Variants in FRY observed in about 807,000 individuals in gnomAD.
FRY encodes the protein FRY microtubule binding protein.
FRY carries 128 observed loss-of-function variants against 348.4 expected under a neutral mutation model. The ratio of observed to expected loss-of-function variants is 0.37; its 90% confidence interval spans 0.32 to 0.43. FRY has a LOEUF of 0.43. Ranked by LOEUF, FRY falls within the 20% of genes least tolerant of loss-of-function variation. The pLI, the probability that FRY is intolerant of heterozygous loss-of-function variation, is 1.00. For synonymous variants in FRY, 1,370 were observed against 1,374.7 expected (o/e 1.00, Z 0.08); for missense variants, 2,736 against 3,695.2 (o/e 0.74, Z 6.73).
At chr13:32,183,730 C>G (rs1378080931) in intron 24 of FRY, among the ~76,000 whole-genome samples, 2 of 135,218 alleles carry the variant, frequency 1.5e-5, no homozygotes, top group Non-Finnish European at 3.1e-5. Flanking sequence ...GAGCCGAGAT[C>G]ACGCCACTGC....
At chr13:32,106,926 A>G (rs1190603790) in intron 3 of FRY, among the ~76,000 whole-genome samples, 1 of 152,216 alleles carries the variant, frequency 6.6e-6, no homozygotes, top group Non-Finnish European at 1.5e-5. Flanking sequence ...CCAGTTTTCC[A>G]GTTTGAACTT....
At chr13:32,079,144 G>T (rs79025279) in intron 2 of FRY, 111 bp downstream of exon 2, 7 of 821,788 alleles carry the variant, frequency 8.5e-6, no homozygotes, top group East Asian at 2.4e-5. Flanking sequence ...GTTTGTAAAG[G>T]TTCTTTAATA....
At position 32,179,719 on chromosome 13, in the gene FRY, G is replaced by A. The variant is rs748459314; in HGVS notation, c.2916G>A (p.Val972=). 1.4e-5 allele frequency: 22 copies of A among 1,613,536 alleles called. No homozygotes were observed. In the East Asian group the frequency reaches 4.5e-4, roughly 33 times the overall value. Residue 972 remains valine, a synonymous_variant, in exon 23 of 61, where the codon GTG becomes GTA. Transcript: ENST00000542859. ...TGGGAGTTCTGTTAAAGCAGTTGGT[G>A]CCTTTGATGAGACTAGAGAGCATTG... The part of the protein sequence containing the change: ...PSVGVLLKQL[V]PLMRLESIEI...
chr13:32,144,321 A>T (rs188965651), intron 11 of FRY, among the ~76,000 whole-genome samples: 1 of 151,064 alleles, frequency 6.6e-6, no homozygotes, highest in East Asian at 1.9e-4. Context: ...TAGAATAAAC[A>T]CGCAAGAACA....
At chr13:32,060,105 A>G (rs1254547486) in intron 1 of FRY, among the ~76,000 whole-genome samples, 1 of 152,254 alleles carries the variant, frequency 6.6e-6, no homozygotes, top group East Asian at 1.9e-4. Flanking sequence ...TACCCTGAGT[A>G]AATCAAGAAT....
At chr13:32,228,761 G>A (rs1885749831) in intron 40 of FRY, 107 bp downstream of exon 40, 3 of 929,214 alleles carry the variant, frequency 3.2e-6, no homozygotes, top group Admixed American at 3.7e-5. Flanking sequence ...TTCTAACAAA[G>A]TCCTGTTTCT....
chr13:32,084,186 C>A (rs407412), intron 2 of FRY, among the ~76,000 whole-genome samples: 7 of 151,910 alleles, frequency 4.6e-5, no homozygotes, highest in Admixed American at 6.6e-5. Context: ...CCTTTGCTCC[C>A]TGAAGCTCAT....
rs765038952 is a variant in FRY at position 32,278,476 on chromosome 13, T to C, written c.8397T>C (p.Asn2799=). ...RKEATLSWLA[N]CKATFAGGSR... ...TCTCTTTCTGACAGTGGCTTGCAAA[T>C]TGTAAGGCAACATTTGCAGGGGGAT... The change falls in exon 58 of 61, where the codon AAT becomes AAC. Residue 2799 remains asparagine (N), a synonymous_variant. Coordinates refer to ENST00000542859, the MANE Select transcript of FRY (RefSeq NM_023037.3). The C allele has an allele frequency of 1.3e-6, 2 of 1,584,914 alleles. No homozygotes were observed. Among genetic ancestry groups the C allele is most frequent in the Admixed American group, 1.7e-5 (1 of 59,954 alleles).
chr13:32,269,132 G>A (rs899551366), intron 55 of FRY, among the ~76,000 whole-genome samples: 2 of 152,128 alleles, frequency 1.3e-5, no homozygotes, highest in Non-Finnish European at 2.9e-5. Context: ...AGCCATGGCC[G>A]ACGGGAAAGG....
intron 36 of FRY, among the ~76,000 whole-genome samples, chr13:32,219,570 A>C (rs1054516158): frequency 1.4e-5 from 2 of 147,636 alleles, no homozygotes; most frequent in Non-Finnish European, 3.0e-5. Flanking sequence ...CATCCTGGCT[A>C]ACACGGTGAA....
At chr13:32,186,159 A>G in intron 26 of FRY, 101 bp from the exon 27 acceptor site, 1 of 928,448 alleles carries the variant, frequency 1.1e-6, no homozygotes, top group Non-Finnish European at 1.8e-6. Context: ...ACTGTAGTTA[A>G]AAAATGAAGT....
chr13:32,214,988 GCCGTTCCTA>G (rs1304302844), intron 35 of FRY, among the ~76,000 whole-genome samples: 1 of 152,152 alleles, frequency 6.6e-6, no homozygotes, highest in Non-Finnish European at 1.5e-5. Flanking sequence ...ATTTAATAAT[GCCGTTCCTA>G]CTGACAAAAG....
intron 58 of FRY, among the ~76,000 whole-genome samples, chr13:32,279,833 T>C (rs1888725010): frequency 6.6e-6 from 1 of 152,224 alleles, no homozygotes; most frequent in Non-Finnish European, 1.5e-5. Context: ...GTATTTGTTA[T>C]TGAGCAAGTT....
chr13:32,129,449 T>C (rs1363280014), intron 7 of FRY, among the ~76,000 whole-genome samples: 1 of 152,202 alleles, frequency 6.6e-6, no homozygotes, highest in Admixed American at 6.5e-5. Context: ...AAAATTAATA[T>C]ACCATTTTGT....
At position 32,175,528 on chromosome 13, in the gene FRY, C is replaced by T. The variant is rs778129804; in HGVS notation, c.2335-18C>T. On this transcript the variant is annotated intron_variant, in intron 19 of 60. Transcript: ENST00000542859. ...GATTCATTTTCCCATAGAGAGTAAT[C>T]GCCTCCCCTTTGTACAGGATGACGA... The T allele has an allele frequency of 6.0e-6, 9 of 1,502,556 alleles. No individual in the cohort carries two copies. The highest frequency in any genetic ancestry group is 5.5e-5 in the African/African-American group (4 of 72,722). The allele number at this position is 1,502,556 out of a possible 1,614,324, so 93.1% of individuals were successfully genotyped here.
intron 28 of FRY, 111 bp downstream of exon 28, chr13:32,187,767 A>G (rs1005701782): frequency 5.7e-6 from 4 of 707,796 alleles, no homozygotes; most frequent in Non-Finnish European, 1.1e-5. Flanking sequence ...CATCAGCCAC[A>G]CAAGTATAGA....
At chr13:32,172,703 TCCTTA>T in intron 18 of FRY, among the ~76,000 whole-genome samples, 1 of 152,258 alleles carries the variant, frequency 6.6e-6, no homozygotes, top group East Asian at 1.9e-4. Flanking sequence ...CAGCTGGGAT[TCCTTA>T]GAGGCTAACC....
intron 42 of FRY, 39 bp downstream of exon 42, chr13:32,234,800 C>T: frequency 6.7e-7 from 1 of 1,487,952 alleles, no homozygotes; most frequent in Non-Finnish European, 9.4e-7. Flanking sequence ...GAAGGATGAG[C>T]TCTCTCATCT....
chr13:32,282,865 G>C (rs573776579), intron 58 of FRY, among the ~76,000 whole-genome samples: 1 of 152,072 alleles, frequency 6.6e-6, no homozygotes, highest in Non-Finnish European at 1.5e-5. Flanking sequence ...ACATACGGCC[G>C]AGCGTGGTGG....
Sources: allele counts gnomAD v4.1 joint callset (sites outside exome capture counted in the v4.1 genomes callset), GRCh38; gene constraint gnomAD v4.1.1; transcripts MANE v1.5; gene names NCBI Gene and HGNC (gene_info 2026-07-23, HGNC 2026-07-21).